The following TRIOBP variants were observed in gnomAD, a reference collection of about 807,000 sequenced individuals.
TRIOBP encodes the protein TRIO and F-actin binding protein, also known as TRIO and F-actin-binding protein.
In TRIOBP, 169 loss-of-function variants were observed where a neutral mutation model predicts 238.8. The observed-to-expected ratio is 0.71, with a 90% CI of 0.62 to 0.80. TRIOBP has a LOEUF of 0.80. TRIOBP is among the 30% of genes least tolerant of loss of function. TRIOBP has a pLI of 0.00. For synonymous variants in TRIOBP, 1,150 were observed against 1,274.4 expected, an observed-to-expected ratio of 0.90 and a Z score of 2.08; for missense variants, 2,838 against 3,122.6, an observed-to-expected ratio of 0.91 and a Z score of 2.17.
chr22:37,732,732 G>C (rs1319884649), intron 7 of TRIOBP, among the ~76,000 whole-genome samples: 1 of 152,192 alleles, frequency 6.6e-6, no homozygotes, highest in Non-Finnish European at 1.5e-5. Flanking sequence ...GACAGGAAAA[G>C]GCAGAAAGAA....
At chr22:37,728,538 T>G (rs1924285569) in intron 7 of TRIOBP, among the ~76,000 whole-genome samples, 1 of 151,788 alleles carries the variant, frequency 6.6e-6, no homozygotes, top group Admixed American at 6.6e-5. Context: ...TCTCCAGCAT[T>G]AGTATAATTC....
At chr22:37,755,346 C>T (rs1028598494) in intron 14 of TRIOBP, 156 bp downstream of exon 14, 3 of 932,612 alleles carry the variant, frequency 3.2e-6, no homozygotes, top group Non-Finnish European at 5.0e-6. Context: ...GTGATGCCAA[C>T]ACTTAGCATA....
rs1397656544 is a variant in TRIOBP, at chr22:37,725,459, C to T, written c.2903C>T (p.Thr968Ile). The change falls in exon 7 of 24, where the codon ACC becomes ATC. Residue 968 changes from threonine (T) to isoleucine (I), a missense_variant. Around this residue, in one of 5 missense-constraint regions of TRIOBP, gnomAD observed 2,096 missense variants for 2,137.4 expected, o/e 0.98. Coordinates refer to ENST00000644935, the MANE Select transcript of TRIOBP (RefSeq NM_001039141.3). Reference sequence around the variant, plus strand: ...CCACCCCAGTCCTCCTTTGGCCCCACCCAGTACAACTTGCCATCCCGGGCC... The same window carrying T: ...CCACCCCAGTCCTCCTTTGGCCCCATCCAGTACAACTTGCCATCCCGGGCC... ...HDPPQSSFGP[T>I]QYNLPSRATS... is the part of the protein sequence containing the mutation. 1.2e-6 allele frequency: 2 copies of T among 1,613,078 alleles called. No homozygotes were observed. The highest frequency in any genetic ancestry group is 2.2e-5 in the South Asian group (2 of 91,008).
chr22:37,714,003 C>A lies in TRIOBP; in HGVS notation c.456+592C>A, dbSNP rs533104842. Among the ~76,000 whole-genome samples the A allele has an allele frequency of 1.1e-4, 17 of 152,276 alleles. No homozygotes were observed. In the East Asian group the frequency reaches 2.3e-3, roughly 21 times the overall value. On this transcript the variant is annotated intron_variant, in intron 5 of 23. Transcript: ENST00000644935. ...GGTGATAAGACTCAGAATAAAACAA[C>A]CCAGCCTCACACGCTTCATGGCCAG...
chr22:37,748,304 C>G (rs1012406447), intron 11 of TRIOBP, among the ~76,000 whole-genome samples: 1 of 152,186 alleles, frequency 6.6e-6, no homozygotes, highest in Non-Finnish European at 1.5e-5. Flanking sequence ...CTCCCCTGGC[C>G]CCCGTGCCCT....
Position 37,726,199 on chromosome 22 carries a change from C to T in TRIOBP, c.3643C>T (p.Gln1215Ter). Residue 1215 changes from glutamine (Q) to a stop codon, truncating the protein, a stop_gained, in exon 7 of 24, where the codon CAA becomes TAA. Transcript: ENST00000644935. LOFTEE classifies it high-confidence loss of function. The stretch of plus-strand genomic sequence containing the variant: ...GCATGGCTCCCCAGTGCTGATCCCC[C>T]AAGTGTGCATCGGGCACCGGGATGC... Reference protein sequence around the residue: ...SLHGSPVLIPQVCIGHRDAPR... With the variant: ...SLHGSPVLIP 1 of 1,571,314 alleles carries T rather than the reference C, an allele frequency of 6.4e-7. No individual in the cohort carries two copies. The highest frequency in any genetic ancestry group is 8.6e-7 in the Non-Finnish European group (1 of 1,158,614).
intron 9 of TRIOBP, among the ~76,000 whole-genome samples, chr22:37,737,401 T>A (rs575212575): frequency 6.6e-6 from 1 of 151,886 alleles, no homozygotes; most frequent in African/African-American, 2.4e-5. Context: ...GTGGCTCACA[T>A]CTGTAATCCC....
intron 2 of TRIOBP, among the ~76,000 whole-genome samples, chr22:37,700,326 A>G (rs1569029832): frequency 6.7e-6 from 1 of 148,370 alleles, no homozygotes; most frequent in Non-Finnish European, 1.5e-5. Flanking sequence ...GAGTGCTGTA[A>G]CTATTCACAG....
At chr22:37,748,884 A>G (rs923918222) in intron 11 of TRIOBP, among the ~76,000 whole-genome samples, 8 of 152,244 alleles carry the variant, frequency 5.3e-5, no homozygotes, top group Non-Finnish European at 7.4e-5. Context: ...AGGAGGAAGC[A>G]TAGTGTTTCA....
Position 37,755,597 on chromosome 22 carries a change from G to T in TRIOBP, c.5625G>T (p.Arg1875=), listed in dbSNP as rs1177162496. ...YTLSAMTSGI[R]RNWIEALRKT... Reference sequence around the variant, plus strand: ...TGTCGGCCATGACCTCAGGCATCCGGCGGAACTGGATCGAGGCTCTGAGAA... The same window carrying T: ...TGTCGGCCATGACCTCAGGCATCCGTCGGAACTGGATCGAGGCTCTGAGAA... Residue 1875 remains arginine (R), a synonymous_variant, in exon 15 of 24, where the codon CGG becomes CGT. Transcript: ENST00000644935. 6.2e-7 allele frequency: 1 copy of T among 1,613,960 alleles called. No homozygotes were observed. Among genetic ancestry groups the T allele is most frequent in the Non-Finnish European group, 8.5e-7 (1 of 1,180,024 alleles).
intron 12 of TRIOBP, 54 bp from the exon 13 acceptor site, chr22:37,754,823 C>A: frequency 1.9e-6 from 3 of 1,583,634 alleles, no homozygotes; most frequent in Non-Finnish European, 2.6e-6. Context: ...GGCAGCCACA[C>A]AGGACACCTG....
At chr22:37,710,626 C>T in intron 4 of TRIOBP, 60 bp downstream of exon 4, 1 of 1,560,346 alleles carries the variant, frequency 6.4e-7, no homozygotes, top group Non-Finnish European at 8.7e-7. Context: ...TCACCCTTCC[C>T]ATTTGCACTC....
chr22:37,715,712 T>C (rs1184780974), intron 5 of TRIOBP, 51 bp from the exon 6 acceptor site: 1 of 1,592,444 alleles, frequency 6.3e-7, no homozygotes, highest in Non-Finnish European at 8.6e-7. Flanking sequence ...GTATATGTCC[T>C]GCAGCCTTTT....
chr22:37,714,114 G>C (rs530736060), intron 5 of TRIOBP, among the ~76,000 whole-genome samples: 1 of 152,312 alleles, frequency 6.6e-6, no homozygotes, highest in Admixed American at 6.5e-5. Context: ...CCCATATGGG[G>C]CTGAGGCTCA....
rs35569585 is a variant in TRIOBP at position 37,737,660 on chromosome 22, C to CAAA, written c.5107-964_5107-962dup. Among the ~76,000 whole-genome samples, 756 of 92,886 alleles carry CAAA rather than the reference C, an allele frequency of 8.1e-3. 8 individuals carry two copies. The highest frequency in any genetic ancestry group is 0.063 in the Middle Eastern group (11 of 174). The allele number at this position is 92,886 out of a possible 152,430, so 60.9% of individuals were successfully genotyped here. On this transcript the variant is annotated intron_variant, in intron 9 of 23. Coordinates refer to ENST00000644935, the MANE Select transcript of TRIOBP (RefSeq NM_001039141.3). ...TGGGTGACAGAGCGAGACTCCATCTCAAAAAAAAAAAAAAAAAAAATCCTT... is the reference window on the plus strand; with the variant it reads ...TGGGTGACAGAGCGAGACTCCATCTCAAAAAAAAAAAAAAAAAAAAAAATCCTT...
In TRIOBP at chr22:37,723,701, G is replaced by A. The variant is rs564021047; in HGVS notation, c.1145G>A (p.Cys382Tyr). The stretch of plus-strand genomic sequence containing the variant: ...CAGCGGGAAAACCCCAGGACACCCT[G>A]TGTCCAGCAGGACGATCCCAGAGCC... ...TPQRENPRTP[C>Y]VQQDDPRASS... The change falls in exon 7 of 24, where the codon TGT becomes TAT. Residue 382 changes from cysteine to tyrosine, a missense_variant. Physicochemically the swap from Cys to Tyr is radical, Grantham distance 194 (BLOSUM62 -2). Around this residue, in one of 5 missense-constraint regions of TRIOBP, gnomAD observed 535 missense variants for 537.3 expected, o/e 1.00. Coordinates refer to ENST00000644935, the MANE Select transcript of TRIOBP (RefSeq NM_001039141.3). 7.4e-6 allele frequency: 12 copies of A among 1,611,806 alleles called. No homozygotes were observed. In the East Asian group the frequency reaches 2.5e-4, roughly 33 times the overall value.
chr22:37,717,877 G>A (rs1368080947), intron 6 of TRIOBP, among the ~76,000 whole-genome samples: 4 of 152,244 alleles, frequency 2.6e-5, no homozygotes, highest in Admixed American at 6.5e-5. Flanking sequence ...GGGACTGGGC[G>A]CTGTGGAGCA....
At chr22:37,744,244 A>G (rs140931816) in intron 11 of TRIOBP, among the ~76,000 whole-genome samples, 77 of 152,120 alleles carry the variant, frequency 5.1e-4, no homozygotes, top group African/African-American at 1.8e-3. Flanking sequence ...TCCTGACCTC[A>G]GGTGATCCAC....
In TRIOBP at chr22:37,759,183, G is replaced by T; in HGVS notation, c.6243G>T (p.Ala2081=). The T allele has an allele frequency of 6.2e-7, 1 of 1,612,884 alleles. No individual in the cohort carries two copies. Among genetic ancestry groups the T allele is most frequent in the East Asian group, 2.2e-5 (1 of 44,874 alleles). Residue 2081 remains alanine, a synonymous_variant, in exon 17 of 24, where the codon GCG becomes GCT. Coordinates refer to ENST00000644935, the MANE Select transcript of TRIOBP (RefSeq NM_001039141.3). The stretch of plus-strand genomic sequence containing the variant: ...AGGCTCTTCGGGCCCAGCTGGAGGC[G>T]TGGCGTCTCCAAGGGGAGGCTCCTC... ...EVQALRAQLE[A]WRLQGEAPQS... is the part of the protein sequence containing the mutation.
Sources: gnomAD v4.1 joint callset for allele counts (sites outside exome capture counted in the v4.1 genomes callset) on GRCh38, gnomAD v4.1.1 for gene constraint, gnomAD v4.1.1 regional missense constraint, MANE v1.5 for transcripts, NCBI Gene and HGNC (gene_info 2026-07-23, HGNC 2026-07-21) for gene names.